The following YME1L1 variants were observed in gnomAD, a reference collection of about 807,000 sequenced individuals.
YME1L1 encodes ATP-dependent zinc metalloprotease YME1L1.
A neutral mutation model predicts 90.4 loss-of-function variants in YME1L1; 39 were observed. The ratio of observed to expected loss-of-function variants is 0.43; its 90% CI spans 0.33 to 0.56. The LOEUF (loss-of-function observed/expected upper bound fraction) is 0.56, where lower values mean the gene tolerates loss of function less well. Ranked by LOEUF, YME1L1 falls within the 20% of genes least tolerant of loss-of-function variation. The pLI, the probability that YME1L1 is intolerant of heterozygous loss-of-function variation, is 0.03. For missense variants in YME1L1, 617 were observed against 868.4 expected (o/e 0.71, Z 3.64); for synonymous variants, 284 against 287.3 (o/e 0.99, Z 0.12).
At chr10:27,125,458 G>GGA (rs534522674) in intron 9 of YME1L1, among the ~76,000 whole-genome samples, 20 of 107,696 alleles carry the variant, frequency 1.9e-4, no homozygotes, top group African/African-American at 6.1e-4. Flanking sequence ...TGTTTCATTT[G>GGA]AAAAAAAAAA....
intron 13 of YME1L1, 69 bp downstream of exon 13, chr10:27,120,366 G>T: frequency 9.2e-7 from 1 of 1,089,336 alleles, no homozygotes; most frequent in Non-Finnish European, 1.3e-6. Context: ...TATCATGAAA[G>T]GACCACAAAC....
chr10:27,147,502 A>G lies in YME1L1; in HGVS notation c.168+1404T>C, dbSNP rs1162694574. ...TTGGAGAAACCCGCAGTGTACAGGGATTGAGAGGGAGAAGGGTTCTGGACG... is the reference window on the plus strand; with the variant it reads ...TTGGAGAAACCCGCAGTGTACAGGGGTTGAGAGGGAGAAGGGTTCTGGACG... On this transcript the variant is annotated intron_variant, in intron 2 of 18. Coordinates refer to ENST00000376016, the MANE Select transcript of YME1L1 (RefSeq NM_014263.4). The G allele has an allele frequency of 1.2e-6, 2 of 1,612,846 alleles. No homozygotes were observed. Among genetic ancestry groups the G allele is most frequent in the Admixed American group, 3.3e-5 (2 of 59,984 alleles).
At chr10:27,115,462 C>T (rs2056803501) in intron 17 of YME1L1, among the ~76,000 whole-genome samples, 2 of 151,818 alleles carry the variant, frequency 1.3e-5, no homozygotes, top group Admixed American at 6.6e-5. Context: ...CAGGCACACA[C>T]CACCATACCT....
Position 27,112,178 on chromosome 10 carries a change from C to A in YME1L1, c.2008-58G>T. 2.6e-6 allele frequency: 4 copies of A among 1,517,046 alleles called. No homozygotes were observed. The South Asian group carries it at 3.8e-5, about 14-fold the overall frequency. 94.0% of individuals were successfully genotyped at this position (1,517,046 alleles called of 1,614,324 possible). Reference sequence around the variant, plus strand: ...CAAATGCAGGGATGCGAAAACCAGTCAATGGGAAGAGAAAGAAAAACTTTA... The same window carrying A: ...CAAATGCAGGGATGCGAAAACCAGTAAATGGGAAGAGAAAGAAAAACTTTA... On this transcript the variant is annotated intron_variant, in intron 18 of 18. Coordinates refer to ENST00000376016, the MANE Select transcript of YME1L1 (RefSeq NM_014263.4).
intron 4 of YME1L1, among the ~76,000 whole-genome samples, chr10:27,142,056 T>A (rs2057093513): frequency 7.8e-6 from 1 of 128,624 alleles, no homozygotes; most frequent in Admixed American, 7.0e-5. Context: ...TTGCTCTTTT[T>A]TTCTCATATA....
chr10:27,134,844 T>G lies in YME1L1; in HGVS notation c.678A>C (p.Thr226=), dbSNP rs1272080508. 2 of 1,613,862 alleles carry G rather than the reference T, an allele frequency of 1.2e-6. No individual in the cohort carries two copies. The highest frequency in any genetic ancestry group is 2.7e-5 in the African/African-American group (2 of 74,924). ...AEGFLKAQAL[T]QKTNDSLRRT... ...AATTCAACTTACCATTGGTTTTTTGTGTGAGTGCTTGAGCTTTCAGAAAAC... is the reference window on the plus strand; with the variant it reads ...AATTCAACTTACCATTGGTTTTTTGGGTGAGTGCTTGAGCTTTCAGAAAAC... The change falls in exon 6 of 19, where the codon ACA becomes ACC. Residue 226 remains threonine, a synonymous_variant. Coordinates refer to ENST00000376016, the MANE Select transcript of YME1L1 (RefSeq NM_014263.4).
chr10:27,113,180 A>ACTGCACT (rs994342558), intron 18 of YME1L1, among the ~76,000 whole-genome samples: 61 of 136,068 alleles, frequency 4.5e-4, no homozygotes, highest in Non-Finnish European at 7.1e-4. Flanking sequence ...AGATCACAGC[A>ACTGCACT]CTGCACTCCA....
At position 27,113,219 on chromosome 10, in the gene YME1L1, C is replaced by CAAA. The variant is rs869122796; in HGVS notation, c.2008-1102_2008-1100dup. Among the ~76,000 whole-genome samples the CAAA allele has an allele frequency of 5.1e-4, 22 of 43,102 alleles. 2 individuals carry two copies. Among genetic ancestry groups the CAAA allele is most frequent in the South Asian group, 7.6e-4 (1 of 1,316 alleles). The allele number at this position is 43,102 out of a possible 152,430, so 28.3% of individuals were successfully genotyped here. A position where few individuals can be genotyped will look rare whatever the true frequency, so the allele number is the denominator to read the frequency against. ...TGGGTGACAGGGCAAGATGCTGTCT[C>CAAA]AAAAAAAAAAAAAAAAAAAAAAAAA... On this transcript the variant is annotated intron_variant, in intron 18 of 18. Transcript: ENST00000376016.
chr10:27,120,664 G>A, intron 12 of YME1L1, 117 bp from the exon 13 acceptor site: 1 of 667,640 alleles, frequency 1.5e-6, no homozygotes. Context: ...CGCAGATGGA[G>A]TTTTGTACAT....
intron 6 of YME1L1, 89 bp downstream of exon 6, chr10:27,134,742 C>T (rs2057009559): frequency 7.4e-7 from 1 of 1,347,182 alleles, no homozygotes; most frequent in South Asian, 1.3e-5. Context: ...AATAGATGGT[C>T]TTAGAAAAGT....
intron 4 of YME1L1, among the ~76,000 whole-genome samples, chr10:27,137,627 T>C (rs2057042814): frequency 6.6e-6 from 1 of 152,200 alleles, no homozygotes; most frequent in South Asian, 2.1e-4. Flanking sequence ...ATCTTTTAAA[T>C]TTGTGCAAGT....
intron 3 of YME1L1, among the ~76,000 whole-genome samples, chr10:27,143,828 G>A (rs917146812): frequency 8.5e-5 from 13 of 152,126 alleles, no homozygotes; most frequent in Non-Finnish European, 1.8e-4. Flanking sequence ...AAAACACTGT[G>A]AATCATAGCT....
At chr10:27,127,211 T>C (rs1033797814) in intron 8 of YME1L1, among the ~76,000 whole-genome samples, 13 of 152,246 alleles carry the variant, frequency 8.5e-5, no homozygotes, top group Non-Finnish European at 1.6e-4. Context: ...CCAGGAAATA[T>C]TACACTTATT....
At chr10:27,123,782 AT>A (rs1281858215) in intron 9 of YME1L1, 83 bp from the exon 10 acceptor site, 2 of 1,373,832 alleles carry the variant, frequency 1.5e-6, no homozygotes, top group African/African-American at 3.0e-5. Flanking sequence ...ATAATTATTC[AT>A]TTATATAATT....
At chr10:27,128,733 C>G (rs2479916) in intron 8 of YME1L1, among the ~76,000 whole-genome samples, 1 of 151,078 alleles carries the variant, frequency 6.6e-6, no homozygotes, top group Admixed American at 6.6e-5. Flanking sequence ...AGCTAAATCC[C>G]GACTCTACAA....
intron 1 of YME1L1, 43 bp downstream of exon 1, chr10:27,154,135 G>A: frequency 6.4e-7 from 1 of 1,565,262 alleles, no homozygotes; most frequent in Middle Eastern, 1.7e-4. Context: ...AACAGCCACG[G>A]GCAGGGCGGG....
At position 27,111,587 on chromosome 10, in the gene YME1L1, C is replaced by A. The variant is rs879000681; in HGVS notation, c.*390G>T. The A allele has an allele frequency of 8.8e-5, 23 of 261,386 alleles. No individual in the cohort carries two copies. Among genetic ancestry groups the A allele is most frequent in the South Asian group, 8.1e-4 (20 of 24,840 alleles). 16.2% of individuals were successfully genotyped at this position (261,386 alleles called of 1,614,324 possible). A position where few individuals can be genotyped will look rare whatever the true frequency, so the allele number is the denominator to read the frequency against. ...AAAAAATATTTTATTCATGGTCAAT[C>A]TGGAACATAATTACTGCATCTTAAG... On this transcript the variant is annotated 3_prime_UTR_variant, in exon 19 of 19. Transcript: ENST00000376016.
At chr10:27,137,853 CATTT>C (rs1476634469) in intron 4 of YME1L1, among the ~76,000 whole-genome samples, 5 of 152,004 alleles carry the variant, frequency 3.3e-5, no homozygotes, top group East Asian at 3.9e-4. Flanking sequence ...ATATTGTAAA[CATTT>C]ATTTTAATGT....
Position 27,139,607 on chromosome 10 carries a change from C to T in YME1L1, c.430+2780G>A, listed in dbSNP as rs150025766. Among the ~76,000 whole-genome samples the T allele has an allele frequency of 1.6e-3, 250 of 152,246 alleles. 2 individuals carry two copies. Among genetic ancestry groups the T allele is most frequent in the African/African-American group, 5.8e-3 (239 of 41,540 alleles). On this transcript the variant is annotated intron_variant, in intron 4 of 18. Transcript: ENST00000376016. ...AATGCAGCCATAAAAATTATCTGAA[C>T]CTAGTGCCTCTGGGGCAAAGGGACA...
Sources: allele counts gnomAD v4.1 joint callset (sites outside exome capture counted in the v4.1 genomes callset), GRCh38; gene constraint gnomAD v4.1.1; transcripts MANE v1.5; gene names NCBI Gene and HGNC (gene_info 2026-07-23, HGNC 2026-07-21).